ARHGAP19: variants seen among roughly 807,000 people sequenced by gnomAD.
ARHGAP19 encodes rho GTPase-activating protein 19.
ARHGAP19 carries 48 observed loss-of-function variants against 60.9 expected under a neutral mutation model. The ratio of observed to expected loss-of-function variants is 0.79; its 90% CI spans 0.62 to 1.00. The LOEUF (loss-of-function observed/expected upper bound fraction) is 1.00. Ranked by LOEUF, ARHGAP19 falls within the 50% of genes least tolerant of loss-of-function variation. The probability of loss-of-function intolerance (pLI) is 0.00; values close to 1 mark genes in which losing one functional copy is unlikely to be tolerated. For synonymous variants in ARHGAP19, 209 were observed against 215.5 expected, an observed-to-expected ratio of 0.97 and a Z score of 0.27; for missense variants, 562 against 597.2, an observed-to-expected ratio of 0.94 and a Z score of 0.61.
At chr10:97,264,507 A>T (rs529874880) in intron 3 of ARHGAP19, among the ~76,000 whole-genome samples, 2 of 152,192 alleles carry the variant, frequency 1.3e-5, no homozygotes, top group South Asian at 2.1e-4. Flanking sequence ...TGGAGAAAAA[A>T]GGTACCATGC....
intron 1 of ARHGAP19, among the ~76,000 whole-genome samples, chr10:97,281,430 T>C (rs1459346167): frequency 2.6e-5 from 4 of 152,098 alleles, no homozygotes; most frequent in African/African-American, 9.7e-5. Context: ...TCTATACTTG[T>C]AGTCAGCCAG....
chr10:97,226,809 C>T (rs372038936), intron 11 of ARHGAP19, among the ~76,000 whole-genome samples: 2 of 152,222 alleles, frequency 1.3e-5, no homozygotes, highest in Non-Finnish European at 1.5e-5. Flanking sequence ...GCTGTGTTAG[C>T]CAGAGAAAGT....
At chr10:97,251,599 A>G (rs1393492229) in intron 6 of ARHGAP19, among the ~76,000 whole-genome samples, 1 of 6,962 alleles carries the variant, frequency 1.4e-4, no homozygotes. Context: ...AGGAAGGGGA[A>G]GGGAAGGGGA....
rs1364163193 is a variant in ARHGAP19 at position 97,238,785 on chromosome 10, GATTAT to G, written c.1186-3475_1186-3471del. 2.0e-5 allele frequency among the ~76,000 whole-genome samples: 3 copies of G among 152,256 alleles called. No homozygotes were observed. The East Asian group carries it at 5.8e-4, about 29-fold the overall frequency. ...ATTTAGTCTAGCCTAAGTGTACAGT[GATTAT>G]AAAGTCTACAGTCGTGTCAGCAATG... On this transcript the variant is annotated intron_variant, in intron 8 of 11. Transcript: ENST00000358531.
At chr10:97,284,410 A>G (rs959283029) in intron 1 of ARHGAP19, among the ~76,000 whole-genome samples, 7 of 152,004 alleles carry the variant, frequency 4.6e-5, no homozygotes, top group African/African-American at 1.7e-4. Context: ...GGCGTGAGAC[A>G]CTCAGACCAG....
chr10:97,287,906 T>C (rs11189099), intron 1 of ARHGAP19, among the ~76,000 whole-genome samples: 13,349 of 151,984 alleles, frequency 0.088, 658 homozygotes, highest in African/African-American at 0.12. Flanking sequence ...CTACTAAAAA[T>C]ACAAAATTAG....
At chr10:97,267,124 T>C (rs1335770838) in intron 1 of ARHGAP19, among the ~76,000 whole-genome samples, 1 of 152,220 alleles carries the variant, frequency 6.6e-6, no homozygotes, top group East Asian at 1.9e-4. Flanking sequence ...AGTTACTTCC[T>C]AGGTACAATG....
intron 8 of ARHGAP19, among the ~76,000 whole-genome samples, chr10:97,243,742 ACT>A (rs2134838629): frequency 6.6e-6 from 1 of 152,078 alleles, no homozygotes; most frequent in Admixed American, 6.6e-5. Context: ...AAAATGAGAG[ACT>A]CTCTAACCAC....
chr10:97,236,915 A>G (rs752462377), intron 8 of ARHGAP19, among the ~76,000 whole-genome samples: 9 of 152,136 alleles, frequency 5.9e-5, no homozygotes, highest in Non-Finnish European at 8.8e-5. Flanking sequence ...AGTTTATAGC[A>G]TGAACACAGG....
At chr10:97,235,453 C>A in intron 8 of ARHGAP19, 138 bp from the exon 9 acceptor site, 1 of 676,342 alleles carries the variant, frequency 1.5e-6, no homozygotes, top group Non-Finnish European at 2.4e-6. Flanking sequence ...GGTCAAAAAG[C>A]CAATCACAAA....
intron 5 of ARHGAP19, among the ~76,000 whole-genome samples, chr10:97,257,516 G>A (rs1304537779): frequency 6.6e-6 from 1 of 151,898 alleles, no homozygotes; most frequent in Non-Finnish European, 1.5e-5. Context: ...GTGTTGCCCA[G>A]GCTGGTCTCA....
At chr10:97,232,213 GAGT>G (rs1851036833) in intron 9 of ARHGAP19, among the ~76,000 whole-genome samples, 1 of 141,868 alleles carries the variant, frequency 7.0e-6, no homozygotes, top group South Asian at 2.2e-4. Context: ...ACCCAGGCTG[GAGT>G]ACAGTGGCTC....
At chr10:97,274,926 A>ATGTT (rs1843004880) in intron 1 of ARHGAP19, 1 of 152,188 alleles carries the variant, frequency 6.6e-6, no homozygotes, top group African/African-American at 2.4e-5. Flanking sequence ...GATTGACAGG[A>ATGTT]TGTTGTGTGT....
chr10:97,232,641 C>T (rs1366464809), intron 9 of ARHGAP19, among the ~76,000 whole-genome samples: 1 of 152,094 alleles, frequency 6.6e-6, no homozygotes, highest in Non-Finnish European at 1.5e-5. Flanking sequence ...AGCCTAATGT[C>T]CTAGAAGCTA....
intron 1 of ARHGAP19, among the ~76,000 whole-genome samples, chr10:97,278,264 A>G (rs1843043527): frequency 6.6e-6 from 1 of 152,220 alleles, no homozygotes; most frequent in Non-Finnish European, 1.5e-5. Flanking sequence ...TGAAGGAAAA[A>G]TCAGTTAAAT....
intron 1 of ARHGAP19, 32 bp from the exon 2 acceptor site, chr10:97,266,157 A>C (rs762710354): frequency 1.2e-6 from 2 of 1,609,272 alleles, no homozygotes; most frequent in Non-Finnish European, 1.7e-6. Flanking sequence ...CTTTCGGGAC[A>C]TCATTTTTGT....
At chr10:97,284,862 T>C (rs1259207491) in intron 1 of ARHGAP19, among the ~76,000 whole-genome samples, 2 of 148,352 alleles carry the variant, frequency 1.3e-5, no homozygotes, top group African/African-American at 5.0e-5. Context: ...ATACTTTTTT[T>C]TTTTTTTTTT....
chr10:97,286,936 G>GT (rs61654186), intron 1 of ARHGAP19, among the ~76,000 whole-genome samples: 13,545 of 151,886 alleles, frequency 0.089, 680 homozygotes, highest in African/African-American at 0.13. Context: ...AAAGTGGATA[G>GT]TTTTTTTTGT....
chr10:97,262,593 A>G (rs891298387), intron 4 of ARHGAP19, among the ~76,000 whole-genome samples: 2 of 152,112 alleles, frequency 1.3e-5, no homozygotes, highest in African/African-American at 4.8e-5. Context: ...TGAACCCGGG[A>G]GGCGGAGGTT....
Sources: allele counts gnomAD v4.1 joint callset (sites outside exome capture counted in the v4.1 genomes callset), GRCh38; gene constraint gnomAD v4.1.1; transcripts MANE v1.5; gene names NCBI Gene and HGNC (gene_info 2026-07-23, HGNC 2026-07-21).